The following GRID2 variants were observed in gnomAD, a reference collection of about 807,000 sequenced individuals.
GRID2 encodes glutamate ionotropic receptor delta type subunit 2.
A neutral mutation model predicts 114.8 loss-of-function variants in GRID2; 33 were observed. The observed-to-expected ratio is 0.29, with a 90% CI of 0.22 to 0.38. The LOEUF (loss-of-function observed/expected upper bound fraction) is 0.38, where lower values mean the gene tolerates loss of function less well. GRID2 is among the 10% of genes least tolerant of loss of function. The pLI is 1.00. For missense variants in GRID2, 1,184 were observed against 1,257.7 expected (o/e 0.94, Z 0.89); for synonymous variants, 505 against 449.9 (o/e 1.12, Z -1.55).
intron 1 of GRID2, among the ~76,000 whole-genome samples, chr4:92,326,336 A>T (rs1343924603): frequency 6.6e-6 from 1 of 151,908 alleles, no homozygotes; most frequent in Non-Finnish European, 1.5e-5. Flanking sequence ...AATGACTTTT[A>T]TTGTATTGTA....
At chr4:92,842,733 A>T (rs1159547975) in intron 2 of GRID2, among the ~76,000 whole-genome samples, 2 of 152,116 alleles carry the variant, frequency 1.3e-5, no homozygotes, top group African/African-American at 2.4e-5. Context: ...ATGAAAAACA[A>T]AAAAAGTGGG....
At chr4:92,738,953 C>G (rs1560564367) in intron 2 of GRID2, among the ~76,000 whole-genome samples, 1 of 152,110 alleles carries the variant, frequency 6.6e-6, no homozygotes, top group Non-Finnish European at 1.5e-5. Context: ...CAGGCAGGCG[C>G]CGTAACACAC....
intron 13 of GRID2, among the ~76,000 whole-genome samples, chr4:93,562,239 G>A (rs763207433): frequency 1.3e-5 from 2 of 151,564 alleles, no homozygotes; most frequent in Non-Finnish European, 2.9e-5. Context: ...TGTAGTGATA[G>A]CTCATTATTG....
chr4:92,962,856 G>C (rs145792460), intron 2 of GRID2, among the ~76,000 whole-genome samples: 12 of 151,866 alleles, frequency 7.9e-5, no homozygotes. Flanking sequence ...TTCCCACAGA[G>C]GTTTCTGGTC....
At chr4:93,221,415 A>G (rs1744859331) in intron 6 of GRID2, among the ~76,000 whole-genome samples, 1 of 152,110 alleles carries the variant, frequency 6.6e-6, no homozygotes, top group South Asian at 2.1e-4. Flanking sequence ...GATGTCAAAG[A>G]ATAAGTGTAG....
At chr4:93,487,189 A>G (rs1178771442) in intron 11 of GRID2, among the ~76,000 whole-genome samples, 1 of 151,650 alleles carries the variant, frequency 6.6e-6, no homozygotes, top group African/African-American at 2.4e-5. Context: ...GTCTTCACTT[A>G]TTTTCCTTGT....
Position 92,949,740 on chromosome 4 carries a change from G to C in GRID2, c.245-135255G>C, listed in dbSNP as rs144092036. On this transcript the variant is annotated intron_variant, in intron 2 of 15. Transcript: ENST00000282020. The stretch of plus-strand genomic sequence containing the variant: ...GAAGGTGTAAACTGTTTAGAAACCT[G>C]CTACCATCCAACAAATTGAAACTGA... Among the ~76,000 whole-genome samples the C allele has an allele frequency of 1.0e-3, 154 of 151,806 alleles. No homozygotes were observed. The Middle Eastern group carries it at 0.01, about 10-fold the overall frequency.
At chr4:92,787,498 C>G (rs903084394) in intron 2 of GRID2, among the ~76,000 whole-genome samples, 1 of 151,808 alleles carries the variant, frequency 6.6e-6, no homozygotes, top group Non-Finnish European at 1.5e-5. Flanking sequence ...CAGGAGGGGA[C>G]AGCTGGTGAA....
intron 13 of GRID2, among the ~76,000 whole-genome samples, chr4:93,558,265 C>T (rs760942115): frequency 9.9e-5 from 15 of 151,772 alleles, no homozygotes; most frequent in South Asian, 2.1e-4. Flanking sequence ...GAAAGAGACA[C>T]GAAAAACCCT....
intron 1 of GRID2, among the ~76,000 whole-genome samples, chr4:92,449,711 A>ATATATAT (rs1466326075): frequency 1.7e-3 from 225 of 129,950 alleles, no homozygotes; most frequent in Middle Eastern, 4.3e-3. Context: ...ATATATATAT[A>ATATATAT]ACACTTAAGC....
intron 6 of GRID2, 68 bp downstream of exon 6, chr4:93,216,979 G>A: frequency 9.8e-7 from 1 of 1,015,248 alleles, no homozygotes; most frequent in East Asian, 2.4e-5. Flanking sequence ...AGAGCTTTAT[G>A]AGTTGCATTG....
intron 2 of GRID2, among the ~76,000 whole-genome samples, chr4:93,078,096 A>G (rs1441545010): frequency 6.6e-6 from 1 of 151,770 alleles, no homozygotes; most frequent in Non-Finnish European, 1.5e-5. Context: ...TGCTCTTTGC[A>G]CTCCAGCCAC....
At chr4:92,886,934 C>T (rs759118673) in intron 2 of GRID2, among the ~76,000 whole-genome samples, 5 of 151,970 alleles carry the variant, frequency 3.3e-5, no homozygotes, top group Non-Finnish European at 5.9e-5. Context: ...CCTTACCTTG[C>T]TATTATTTTT....
chr4:93,043,004 G>T, intron 2 of GRID2, among the ~76,000 whole-genome samples: 1 of 152,002 alleles, frequency 6.6e-6, no homozygotes, highest in East Asian at 1.9e-4. Context: ...AGTGAAAAAA[G>T]AAACAATAGT....
intron 2 of GRID2, among the ~76,000 whole-genome samples, chr4:93,012,683 A>T (rs1323398481): frequency 6.6e-6 from 1 of 151,798 alleles, no homozygotes; most frequent in African/African-American, 2.4e-5. Flanking sequence ...GATAAAAAAA[A>T]ACCTGTGCTA....
intron 2 of GRID2, among the ~76,000 whole-genome samples, chr4:92,858,888 G>C (rs182876033): frequency 6.6e-6 from 1 of 152,176 alleles, no homozygotes; most frequent in Admixed American, 6.5e-5. Flanking sequence ...ATAAATAAGA[G>C]GTTTTAAGTT....
chr4:93,540,001 A>C (rs916283397), intron 13 of GRID2, among the ~76,000 whole-genome samples: 2 of 151,870 alleles, frequency 1.3e-5, no homozygotes, highest in African/African-American at 4.8e-5. Flanking sequence ...TACTTCAATT[A>C]TCTATTTTTA....
At chr4:93,396,051 T>C (rs1159745993) in intron 9 of GRID2, among the ~76,000 whole-genome samples, 2 of 151,968 alleles carry the variant, frequency 1.3e-5, no homozygotes, top group South Asian at 2.1e-4. Context: ...ATAGTGAACA[T>C]TGAAACTATA....
rs563422950 is a variant in GRID2, at chr4:92,937,097, T to C, written c.245-147898T>C. On this transcript the variant is annotated intron_variant, in intron 2 of 15. Coordinates refer to ENST00000282020, the MANE Select transcript of GRID2 (RefSeq NM_001510.4). ...CTGCATACTAGGCGGTTATCAGATA[T>C]AAGATTTGCAAATATCTCCCATTAT... Among the ~76,000 whole-genome samples the C allele has an allele frequency of 9.5e-5, 14 of 146,716 alleles. 1 individual carries two copies. Among genetic ancestry groups the C allele is most frequent in the Non-Finnish European group, 2.1e-4 (14 of 66,166 alleles).
Sources: gnomAD v4.1 joint callset for allele counts (sites outside exome capture counted in the v4.1 genomes callset) on GRCh38, gnomAD v4.1.1 for gene constraint, MANE v1.5 for transcripts, NCBI Gene and HGNC (gene_info 2026-07-23, HGNC 2026-07-21) for gene names.